Variants in ZNF670 observed in about 807,000 individuals in gnomAD.
The protein encoded by ZNF670 is zinc finger protein 670.
Under a neutral mutation model 10.9 loss-of-function variants are expected in ZNF670, and 7 were observed. The ratio of observed to expected loss-of-function variants is 0.64; its 90% CI spans 0.36 to 1.20. The LOEUF (loss-of-function observed/expected upper bound fraction) is 1.20, where lower values mean the gene tolerates loss of function less well. Ranked by LOEUF, ZNF670 falls within the 50% of genes most tolerant of loss-of-function variation. The pLI is 0.02. For synonymous variants in ZNF670, 136 were observed against 152.7 expected (o/e 0.89, Z 0.81); for missense variants, 446 against 458.6 (o/e 0.97, Z 0.25).
rs1462677653 is a variant in ZNF670 at position 247,072,814 on chromosome 1, A to G, written c.3+5780T>C. Among the ~76,000 whole-genome samples the G allele has an allele frequency of 8.2e-5, 4 of 48,844 alleles. 1 individual carries two copies. The highest frequency in any genetic ancestry group is 2.9e-4 in the East Asian group (1 of 3,488). The allele number at this position is 48,844 out of a possible 152,430, so 32.0% of individuals were successfully genotyped here. On this transcript the variant is annotated intron_variant, in intron 1 of 3. Coordinates refer to ENST00000366503, the MANE Select transcript of ZNF670 (RefSeq NM_033213.5). ...AAAAAAAAAGTGTGTGTATATATAT[A>G]TATATATATATATATATATATATAT...
At chr1:247,051,876 G>T (rs1475486980) in intron 1 of ZNF670, among the ~76,000 whole-genome samples, 1 of 141,484 alleles carries the variant, frequency 7.1e-6, no homozygotes, top group Non-Finnish European at 1.5e-5. Context: ...CACTTCTATT[G>T]TTGAAACTTT....
chr1:247,062,101 A>G (rs1398802383), intron 1 of ZNF670, among the ~76,000 whole-genome samples: 1 of 152,220 alleles, frequency 6.6e-6, no homozygotes, highest in Non-Finnish European at 1.5e-5. Context: ...CAGAAACAGA[A>G]CAGGCTTATA....
At chr1:247,054,137 AG>A (rs1047117835) in intron 1 of ZNF670, among the ~76,000 whole-genome samples, 1 of 152,198 alleles carries the variant, frequency 6.6e-6, no homozygotes, top group Non-Finnish European at 1.5e-5. Context: ...TCCTAACCAG[AG>A]GGGACTTGCC....
chr1:247,048,134 A>G (rs1283929538), intron 1 of ZNF670, among the ~76,000 whole-genome samples: 1 of 152,196 alleles, frequency 6.6e-6, no homozygotes, highest in African/African-American at 2.4e-5. Flanking sequence ...TTTAAACATA[A>G]GTTTCAATTA....
chr1:247,047,112 G>A lies in ZNF670; in HGVS notation c.4-7575C>T, dbSNP rs780149369. Among the ~76,000 whole-genome samples, 10 of 110,956 alleles carry A rather than the reference G, an allele frequency of 9.0e-5. No individual in the cohort carries two copies. In the South Asian group the frequency reaches 1.1e-3, roughly 12 times the overall value. The allele number at this position is 110,956 out of a possible 152,430, so 72.8% of individuals were successfully genotyped here. A position where few individuals can be genotyped will look rare whatever the true frequency, so the allele number is the denominator to read the frequency against. On this transcript the variant is annotated intron_variant, in intron 1 of 3. Transcript: ENST00000366503. ...GCCCCATTCCTGGCTGCTTTCACAA[G>A]GTGGCATTGTCTGTGACTTTTCCAG...
intron 1 of ZNF670, among the ~76,000 whole-genome samples, chr1:247,045,017 A>C (rs1004856138): frequency 6.6e-6 from 1 of 152,216 alleles, no homozygotes; most frequent in Non-Finnish European, 1.5e-5. Context: ...TAACTAAACA[A>C]TTCTAAGATT....
At chr1:247,064,447 A>G (rs1670935993) in intron 1 of ZNF670, among the ~76,000 whole-genome samples, 1 of 152,356 alleles carries the variant, frequency 6.6e-6, no homozygotes, top group South Asian at 2.1e-4. Context: ...CAATGAGGCC[A>G]GAATGATGGG....
At chr1:247,063,115 T>C (rs1670895715) in intron 1 of ZNF670, among the ~76,000 whole-genome samples, 1 of 152,180 alleles carries the variant, frequency 6.6e-6, no homozygotes, top group African/African-American at 2.4e-5. Flanking sequence ...CTGCTTTTCT[T>C]TTATGTAAAG....
Position 247,069,202 on chromosome 1 carries a change from C to G in ZNF670, c.3+9392G>C, listed in dbSNP as rs143585128. Among the ~76,000 whole-genome samples, 177 of 151,122 alleles carry G rather than the reference C, an allele frequency of 1.2e-3. 2 individuals carry two copies. In the East Asian group the frequency reaches 0.027, roughly 23 times the overall value. The stretch of plus-strand genomic sequence containing the variant: ...TAAAGAGTGTAATTTGATTGTAACT[C>G]AAAGGATAAATGCCTGATACCCCAT... On this transcript the variant is annotated intron_variant, in intron 1 of 3. Coordinates refer to ENST00000366503, the MANE Select transcript of ZNF670 (RefSeq NM_033213.5).
chr1:247,047,183 G>A (rs1670471019), intron 1 of ZNF670, among the ~76,000 whole-genome samples: 1 of 152,240 alleles, frequency 6.6e-6, no homozygotes, highest in African/African-American at 2.4e-5. Flanking sequence ...TGGGTCTGCA[G>A]GATGGTGGCT....
intron 1 of ZNF670, among the ~76,000 whole-genome samples, chr1:247,062,779 C>T (rs758691024): frequency 1.3e-5 from 2 of 152,200 alleles, no homozygotes; most frequent in African/African-American, 2.4e-5. Context: ...AAGGGTCTAT[C>T]GGAAGACTCC....
At position 247,043,392 on chromosome 1, in the gene ZNF670, G is replaced by C. The variant is rs182127190; in HGVS notation, c.4-3855C>G. ...GCATGGTCAAGATGTTAAAAAGAAAGTTCACCTAACTGAAAAAATTCACCC... is the reference window on the plus strand; with the variant it reads ...GCATGGTCAAGATGTTAAAAAGAAACTTCACCTAACTGAAAAAATTCACCC... On this transcript the variant is annotated intron_variant, in intron 1 of 3. Coordinates refer to ENST00000366503, the MANE Select transcript of ZNF670 (RefSeq NM_033213.5). 1.5e-5 allele frequency: 8 copies of C among 538,202 alleles called. No individual in the cohort carries two copies. The East Asian group carries it at 3.3e-4, about 22-fold the overall frequency. The allele number at this position is 538,202 out of a possible 1,614,324, so 33.3% of individuals were successfully genotyped here.
intron 1 of ZNF670, among the ~76,000 whole-genome samples, chr1:247,050,699 C>T (rs946254667): frequency 6.6e-6 from 1 of 152,022 alleles, no homozygotes; most frequent in Non-Finnish European, 1.5e-5. Context: ...TGGTGTTGAA[C>T]TCCTGACCTC....
intron 3 of ZNF670, 46 bp downstream of exon 3, chr1:247,038,764 T>A: frequency 6.6e-7 from 1 of 1,510,358 alleles, no homozygotes; most frequent in Non-Finnish European, 9.1e-7. Flanking sequence ...TATGACATGC[T>A]AAGATTCCCT....
chr1:247,040,193 A>T (rs192679520), intron 1 of ZNF670, among the ~76,000 whole-genome samples: 128 of 152,348 alleles, frequency 8.4e-4, no homozygotes, highest in African/African-American at 3.0e-3. Flanking sequence ...TGCTGTTACA[A>T]CTTGTTAACT....
intron 1 of ZNF670, among the ~76,000 whole-genome samples, chr1:247,077,140 C>CA (rs1478248096): frequency 6.6e-6 from 1 of 152,196 alleles, no homozygotes; most frequent in Non-Finnish European, 1.5e-5. Context: ...TGGCTGCCAC[C>CA]AACGTGTCTC....
At chr1:247,050,060 A>G (rs377736714) in intron 1 of ZNF670, among the ~76,000 whole-genome samples, 1 of 152,208 alleles carries the variant, frequency 6.6e-6, no homozygotes, top group African/African-American at 2.4e-5. Context: ...TGATATAGTC[A>G]AGACCATTGA....
chr1:247,039,356 C>T, intron 2 of ZNF670, 55 bp downstream of exon 2: 1 of 1,579,626 alleles, frequency 6.3e-7, no homozygotes. Context: ...CCACCACGCC[C>T]AGCCAAAACA....
intron 1 of ZNF670, among the ~76,000 whole-genome samples, chr1:247,060,204 A>G (rs1241047117): frequency 6.6e-6 from 1 of 152,258 alleles, no homozygotes; most frequent in Admixed American, 6.5e-5. Flanking sequence ...CACAGAATTG[A>G]TACCACCTGA....
Sources: gnomAD v4.1 joint callset for allele counts (sites outside exome capture counted in the v4.1 genomes callset) on GRCh38, gnomAD v4.1.1 for gene constraint, MANE v1.5 for transcripts, NCBI Gene and HGNC (gene_info 2026-07-23, HGNC 2026-07-21) for gene names.